Variants in UNC5C observed in about 807,000 individuals in gnomAD.
UNC5C encodes the protein netrin receptor UNC5C.
UNC5C carries 47 observed loss-of-function variants against 99.8 expected under a neutral mutation model. The observed-to-expected ratio is 0.47, with a 90% CI of 0.37 to 0.60. The LOEUF (loss-of-function observed/expected upper bound fraction) is 0.60. Ranked by LOEUF, UNC5C falls within the 20% of genes least tolerant of loss-of-function variation. UNC5C has a pLI of 0.00. For synonymous variants in UNC5C, 487 were observed against 452.2 expected (o/e 1.08, Z -0.98); for missense variants, 1,062 against 1,165.9 (o/e 0.91, Z 1.30).
chr4:95,190,572 C>T (rs1013751158), intron 12 of UNC5C, among the ~76,000 whole-genome samples: 3 of 152,146 alleles, frequency 2.0e-5, no homozygotes, highest in African/African-American at 4.8e-5. Context: ...CCCACTTCAG[C>T]TTCCCAAAGT....
intron 1 of UNC5C, among the ~76,000 whole-genome samples, chr4:95,391,754 T>C (rs1296510440): frequency 9.0e-6 from 1 of 111,286 alleles, no homozygotes; most frequent in African/African-American, 3.6e-5. Context: ...TGTCCTTTCA[T>C]GGTAAAAAAA....
chr4:95,443,354 T>C (rs1408445526), intron 1 of UNC5C, among the ~76,000 whole-genome samples: 2 of 152,192 alleles, frequency 1.3e-5, no homozygotes, highest in African/African-American at 4.8e-5. Context: ...AATTAGAAAC[T>C]ACCAGAGAGT....
At chr4:95,198,839 C>T (rs144434637) in intron 12 of UNC5C, among the ~76,000 whole-genome samples, 157 of 152,218 alleles carry the variant, frequency 1.0e-3, no homozygotes, top group Middle Eastern at 6.8e-3. Flanking sequence ...AAGGGAATGA[C>T]GTGAGGTTGT....
chr4:95,254,554 C>G (rs1214930099), intron 4 of UNC5C, among the ~76,000 whole-genome samples: 1 of 152,090 alleles, frequency 6.6e-6, no homozygotes, highest in African/African-American at 2.4e-5. Flanking sequence ...AAAATGCAAT[C>G]CCTGGATCAA....
At chr4:95,284,384 G>A (rs1197315347) in intron 3 of UNC5C, among the ~76,000 whole-genome samples, 1 of 152,118 alleles carries the variant, frequency 6.6e-6, no homozygotes, top group Non-Finnish European at 1.5e-5. Flanking sequence ...ACACATTTTA[G>A]GGGGGAAAAG....
At chr4:95,312,668 A>G (rs1265285398) in intron 2 of UNC5C, among the ~76,000 whole-genome samples, 1 of 152,258 alleles carries the variant, frequency 6.6e-6, no homozygotes, top group East Asian at 1.9e-4. Context: ...TATTCCTTTC[A>G]CTACACCAAT....
intron 3 of UNC5C, among the ~76,000 whole-genome samples, chr4:95,300,524 G>A (rs1055480201): frequency 1.3e-5 from 2 of 152,052 alleles, no homozygotes; most frequent in African/African-American, 4.8e-5. Flanking sequence ...GCTTTATCTT[G>A]GTAATCTCTA....
intron 12 of UNC5C, among the ~76,000 whole-genome samples, chr4:95,189,680 G>T (rs895732342): frequency 2.0e-5 from 3 of 152,168 alleles, no homozygotes; most frequent in Non-Finnish European, 4.4e-5. Context: ...AGTGGGCGAA[G>T]GATATGAACA....
intron 12 of UNC5C, among the ~76,000 whole-genome samples, chr4:95,188,932 A>G (rs1736953798): frequency 6.6e-6 from 1 of 152,212 alleles, no homozygotes; most frequent in Non-Finnish European, 1.5e-5. Context: ...CAGTGTGCTC[A>G]GGTCTAAAAC....
chr4:95,425,904 A>C (rs1746470866), intron 1 of UNC5C, among the ~76,000 whole-genome samples: 1 of 152,184 alleles, frequency 6.6e-6, no homozygotes, highest in African/African-American at 2.4e-5. Context: ...TTTTTATTAT[A>C]ACTTCAAAGA....
At chr4:95,465,997 T>G (rs1747764681) in intron 1 of UNC5C, among the ~76,000 whole-genome samples, 1 of 152,208 alleles carries the variant, frequency 6.6e-6, no homozygotes, top group Non-Finnish European at 1.5e-5. Flanking sequence ...CAAGTAAACC[T>G]GGTCATTCTG....
chr4:95,175,436 C>T (rs1456809547), intron 14 of UNC5C, among the ~76,000 whole-genome samples: 2 of 151,354 alleles, frequency 1.3e-5, no homozygotes, highest in African/African-American at 4.8e-5. Flanking sequence ...TAGGGCAGGC[C>T]TGGTGGTGAC....
At chr4:95,351,069 G>A (rs149772625) in intron 1 of UNC5C, among the ~76,000 whole-genome samples, 14 of 152,140 alleles carry the variant, frequency 9.2e-5, no homozygotes, top group African/African-American at 2.4e-4. Context: ...TCTCCTCCCC[G>A]CAATGTCATC....
intron 1 of UNC5C, among the ~76,000 whole-genome samples, chr4:95,339,468 C>T (rs1001820261): frequency 6.7e-6 from 1 of 150,298 alleles, no homozygotes; most frequent in African/African-American, 2.4e-5. Flanking sequence ...AAAAAAACCC[C>T]ACAAAACAAA....
intron 1 of UNC5C, among the ~76,000 whole-genome samples, chr4:95,388,081 T>TTAA (rs976550912): frequency 2.6e-5 from 4 of 152,032 alleles, no homozygotes; most frequent in Admixed American, 2.6e-4. Context: ...ACATGCCACA[T>TTAA]TAATAATAAT....
chr4:95,507,438 T>C (rs2149486283), intron 1 of UNC5C, among the ~76,000 whole-genome samples: 1 of 152,198 alleles, frequency 6.6e-6, no homozygotes. Context: ...TTGTCCTTTT[T>C]TACAGTGTTG....
intron 1 of UNC5C, among the ~76,000 whole-genome samples, chr4:95,497,268 T>G (rs1428249174): frequency 2.0e-5 from 3 of 151,986 alleles, no homozygotes; most frequent in Non-Finnish European, 4.4e-5. Context: ...CCATAGTGGT[T>G]GTACTAGTTT....
intron 1 of UNC5C, among the ~76,000 whole-genome samples, chr4:95,477,300 C>A (rs2149476461): frequency 6.6e-6 from 1 of 152,038 alleles, no homozygotes; most frequent in Non-Finnish European, 1.5e-5. Context: ...GAGGGTTAAA[C>A]TATATGAAAT....
chr4:95,547,709 AGACCCCGGAGGG>A (rs1723108681), intron 1 of UNC5C, among the ~76,000 whole-genome samples: 1 of 152,236 alleles, frequency 6.6e-6, no homozygotes, highest in Non-Finnish European at 1.5e-5. Flanking sequence ...GACCTGAAAG[AGACCCCGGAGGG>A]GACAGCCTTG....
Sources: allele counts gnomAD v4.1 joint callset (sites outside exome capture counted in the v4.1 genomes callset), GRCh38; gene constraint gnomAD v4.1.1; transcripts MANE v1.5; gene names NCBI Gene and HGNC (gene_info 2026-07-23, HGNC 2026-07-21).